The following NAE1 variants were observed in gnomAD, a reference collection of about 807,000 sequenced individuals.
NAE1 encodes the protein NEDD8-activating enzyme E1 regulatory subunit.
Under a neutral mutation model 88.0 loss-of-function variants are expected in NAE1, and 59 were observed. The ratio of observed to expected loss-of-function variants is 0.67; its 90% CI spans 0.54 to 0.83. NAE1 has a LOEUF of 0.83. Among genes scored for constraint, NAE1 ranks in the 40% least tolerant of loss-of-function variants. NAE1 has a pLI of 0.00. For missense variants in NAE1, 554 were observed against 632.8 expected (o/e 0.88, Z 1.34); for synonymous variants, 186 against 208.9 (o/e 0.89, Z 0.95).
intron 1 of NAE1, chr16:66,828,053 G>A: frequency 6.2e-7 from 1 of 1,613,464 alleles, no homozygotes; most frequent in Non-Finnish European, 8.5e-7. Context: ...GGCCCAGACA[G>A]CTGTCAAATG....
chr16:66,825,297 A>G (rs554611612), intron 3 of NAE1, among the ~76,000 whole-genome samples: 4 of 152,094 alleles, frequency 2.6e-5, no homozygotes, highest in Admixed American at 1.3e-4. Flanking sequence ...AATACAAAAA[A>G]TTAGCCGGGC....
chr16:66,826,190 T>C (rs1289012519), intron 3 of NAE1: 2 of 278,912 alleles, frequency 7.2e-6, no homozygotes, highest in Non-Finnish European at 1.4e-5. Context: ...CTAAAAGACA[T>C]CACAAACAAC....
intron 3 of NAE1, chr16:66,826,262 C>T: frequency 2.2e-6 from 1 of 461,764 alleles, no homozygotes; most frequent in Non-Finnish European, 3.9e-6. Context: ...AGGAAGTGCC[C>T]ATATTCCATG....
chr16:66,813,650 G>C lies in NAE1; in HGVS notation c.948C>G (p.Ala316=). The stretch of plus-strand genomic sequence containing the variant: ...CAGGTAAATTTCCTTGACCCTCTTT[G>C]GCCACAAATTCCTTTAAGGCACGAG... ...ILARALKEFV[A]KEGQGNLPVR... Residue 316 remains alanine, a synonymous_variant, in exon 13 of 20, where the codon GCC becomes GCG. Coordinates refer to ENST00000290810, the MANE Select transcript of NAE1 (RefSeq NM_003905.4). 3.7e-6 allele frequency: 6 copies of C among 1,613,770 alleles called. No homozygotes were observed. Among genetic ancestry groups the C allele is most frequent in the Non-Finnish European group, 5.1e-6 (6 of 1,179,854 alleles).
chr16:66,827,949 T>C, intron 1 of NAE1: 7 of 1,572,058 alleles, frequency 4.5e-6, no homozygotes, highest in Non-Finnish European at 6.1e-6. Context: ...GCCTCTAGAG[T>C]TGCTGGGACT....
intron 4 of NAE1, chr16:66,824,514 C>T (rs1212837507): frequency 6.1e-6 from 1 of 164,348 alleles, no homozygotes; most frequent in Non-Finnish European, 1.3e-5. Context: ...ACGGCGTGAA[C>T]CTGGGAGGTG....
intron 14 of NAE1, 93 bp downstream of exon 14, chr16:66,810,602 GCA>G (rs1449831854): frequency 3.9e-5 from 46 of 1,194,018 alleles, no homozygotes; most frequent in Admixed American, 6.2e-5. Flanking sequence ...CTCTAAAGAA[GCA>G]CAGAGGCAGT....
chr16:66,806,650 T>G (rs919404205), intron 17 of NAE1, among the ~76,000 whole-genome samples: 1 of 152,124 alleles, frequency 6.6e-6, no homozygotes, highest in African/African-American at 2.4e-5. Flanking sequence ...TGGCCTCAAG[T>G]GATCCACCCG....
At chr16:66,815,817 AT>A (rs1357235513) in intron 11 of NAE1, among the ~76,000 whole-genome samples, 1 of 151,482 alleles carries the variant, frequency 6.6e-6, no homozygotes, top group Non-Finnish European at 1.5e-5. Flanking sequence ...GCCCACCACC[AT>A]GCCCAGCTAA....
At chr16:66,806,891 C>T (rs1049226924) in intron 17 of NAE1, among the ~76,000 whole-genome samples, 8 of 152,182 alleles carry the variant, frequency 5.3e-5, no homozygotes, top group Non-Finnish European at 8.8e-5. Flanking sequence ...ATAAGTGATG[C>T]TGTATGACTT....
At chr16:66,814,462 A>G (rs1959951853) in intron 11 of NAE1, among the ~76,000 whole-genome samples, 1 of 151,888 alleles carries the variant, frequency 6.6e-6, no homozygotes, top group East Asian at 1.9e-4. Context: ...GCGTGGTGGC[A>G]CGTGCCTGTG....
chr16:66,814,453 C>T lies in NAE1; in HGVS notation c.841-607G>A, dbSNP rs72794210. 4.3e-3 allele frequency among the ~76,000 whole-genome samples: 647 copies of T among 151,926 alleles called. 3 individuals carry two copies. The highest frequency in any genetic ancestry group is 0.017 in the Middle Eastern group (5 of 294). On this transcript the variant is annotated intron_variant, in intron 11 of 19. Coordinates refer to ENST00000290810, the MANE Select transcript of NAE1 (RefSeq NM_003905.4). Reference sequence around the variant, plus strand: ...AAAACATAAAAGTAAATTAGCTGCGCGTGGTGGCACGTGCCTGTGGTCCCA... The same window carrying T: ...AAAACATAAAAGTAAATTAGCTGCGTGTGGTGGCACGTGCCTGTGGTCCCA...
At chr16:66,815,695 C>T (rs1011005145) in intron 11 of NAE1, among the ~76,000 whole-genome samples, 2 of 146,114 alleles carry the variant, frequency 1.4e-5, no homozygotes, top group African/African-American at 5.1e-5. Flanking sequence ...GAGTCTCGCT[C>T]TTGTTGCCCA....
intron 9 of NAE1, 124 bp downstream of exon 9, chr16:66,817,301 C>A: frequency 1.1e-6 from 1 of 879,716 alleles, no homozygotes. Flanking sequence ...TAAAAGCATC[C>A]ATTTGCCCTA....
chr16:66,825,451 A>G (rs572559452), intron 3 of NAE1, among the ~76,000 whole-genome samples: 1 of 152,004 alleles, frequency 6.6e-6, no homozygotes, highest in Non-Finnish European at 1.5e-5. Context: ...CGTCTCAAAA[A>G]AAAAAAAAAA....
rs772530030 is a variant in NAE1, at chr16:66,826,544, C to T, written c.197G>A (p.Ser66Asn). The change falls in exon 3 of 20, where the codon AGC becomes AAC. Residue 66 changes from serine to asparagine, a missense_variant. Transcript: ENST00000290810. ...ATACTTGTTTCCAGCATCTTCTCCG[C>T]TGACCTGATTTCCATCAATAATTGT... Reference protein sequence around the residue: ...SFTIIDGNQVSGEDAGNNFFL... With the variant: ...SFTIIDGNQVNGEDAGNNFFL... 6 of 1,614,030 alleles carry T rather than the reference C, an allele frequency of 3.7e-6. No homozygotes were observed. Among genetic ancestry groups the T allele is most frequent in the Non-Finnish European group, 5.1e-6 (6 of 1,180,026 alleles).
At chr16:66,810,644 G>T in intron 14 of NAE1, 53 bp downstream of exon 14, 1 of 1,506,970 alleles carries the variant, frequency 6.6e-7, no homozygotes, top group Non-Finnish European at 9.2e-7. Context: ...AACCCTTTCT[G>T]GCTGGAGTTA....
chr16:66,826,577 C>A lies in NAE1; in HGVS notation c.164G>T (p.Gly55Val), dbSNP rs1370734151. ...ILKNLVLPGI[G>V]SFTIIDGNQV... ...ATTTCCATCAATAATTGTAAACGAA[C>A]CAATACCTGAGAGCCAAAACAGAGT... The change falls in exon 3 of 20, where the codon GGT (glycine) becomes GTT (valine). Residue 55 changes from glycine to valine, a missense_variant. Coordinates refer to ENST00000290810, the MANE Select transcript of NAE1 (RefSeq NM_003905.4). The A allele has an allele frequency of 1.2e-6, 2 of 1,614,100 alleles. No homozygotes were observed.
chr16:66,816,615 A>T lies in NAE1; in HGVS notation c.806T>A (p.Ile269Asn). The change falls in exon 11 of 20, where the codon ATT becomes AAT. Residue 269 changes from isoleucine to asparagine, a missense_variant. Ile to Asn is a moderately radical substitution (Grantham distance 149, BLOSUM62 -3). Coordinates refer to ENST00000290810, the MANE Select transcript of NAE1 (RefSeq NM_003905.4). Reference sequence around the variant, plus strand: ...ATTTAGTGCTGTGTTCACATTTTTAATAGCTTCTTCAAAATTCTCTTCATC... The same window carrying T: ...ATTTAGTGCTGTGTTCACATTTTTATTAGCTTCTTCAAAATTCTCTTCATC... ...PEDEENFEEA[I>N]KNVNTALNTT... 1 of 1,612,204 alleles carries T rather than the reference A, an allele frequency of 6.2e-7. No individual in the cohort carries two copies. The highest frequency in any genetic ancestry group is 8.5e-7 in the Non-Finnish European group (1 of 1,178,778).
Sources: gnomAD v4.1 joint callset for allele counts (sites outside exome capture counted in the v4.1 genomes callset) on GRCh38, gnomAD v4.1.1 for gene constraint, MANE v1.5 for transcripts, NCBI Gene and HGNC (gene_info 2026-07-23, HGNC 2026-07-21) for gene names.